The following CCDC102B variants were observed in gnomAD, a reference collection of about 807,000 sequenced individuals.
CCDC102B encodes the protein coiled-coil domain containing 102B, also known as coiled-coil domain-containing protein 102B.
Under a neutral mutation model 57.4 loss-of-function variants are expected in CCDC102B, and 75 were observed. The ratio of observed to expected loss-of-function variants is 1.31; its 90% confidence interval spans 1.08 to 1.58. The LOEUF (loss-of-function observed/expected upper bound fraction) is 1.58. CCDC102B is among the 40% of genes most tolerant of loss of function. The pLI is 0.00. For missense variants in CCDC102B, 636 were observed against 582.6 expected, an observed-to-expected ratio of 1.09 and a Z score of -0.94; for synonymous variants, 206 against 201.9, an observed-to-expected ratio of 1.02 and a Z score of -0.17.
intron 7 of CCDC102B, among the ~76,000 whole-genome samples, chr18:69,020,706 G>A (rs1477204884): frequency 6.6e-6 from 1 of 152,128 alleles, no homozygotes; most frequent in African/African-American, 2.4e-5. Context: ...AATGAAAGAG[G>A]TTGCCACAGT....
intron 3 of CCDC102B, among the ~76,000 whole-genome samples, chr18:68,841,669 G>A (rs1241670419): frequency 1.3e-5 from 2 of 152,124 alleles, no homozygotes; most frequent in African/African-American, 4.8e-5. Flanking sequence ...CTTGTAAAAT[G>A]TTTGTTCTGT....
intron 2 of CCDC102B, among the ~76,000 whole-genome samples, chr18:68,774,452 ACAG>A (rs1206756605): frequency 1.3e-5 from 2 of 152,032 alleles, no homozygotes; most frequent in African/African-American, 4.8e-5. Context: ...GTTCTTGACA[ACAG>A]CAGGAATGGT....
intron 7 of CCDC102B, among the ~76,000 whole-genome samples, chr18:69,035,614 C>T (rs149142724): frequency 6.6e-6 from 1 of 152,152 alleles, no homozygotes; most frequent in Non-Finnish European, 1.5e-5. Flanking sequence ...CAAAAGACAA[C>T]TGCTTTCTAC....
rs1207597371 is a variant in CCDC102B at position 68,873,885 on chromosome 18, GCTTAAAATATATGTCAA to G, written c.937-783_937-767del. The stretch of plus-strand genomic sequence containing the variant: ...ATATATGTCAATACAACAAAACATA[GCTTAAAATATATGTCAA>G]TGCAACAAAACATAGCTTAAAATAT... On this transcript the variant is annotated intron_variant, in intron 4 of 7. Transcript: ENST00000360242. Among the ~76,000 whole-genome samples, 22 of 151,130 alleles carry G rather than the reference GCTTAAAATATATGTCAA, an allele frequency of 1.5e-4. No homozygotes were observed. The South Asian group carries it at 4.0e-3, about 27-fold the overall frequency.
Position 68,836,952 on chromosome 18 carries a change from C to T in CCDC102B, c.189C>T (p.Asn63=). ...AAHNFCAHSY[N]TNKWDICEEL... ...ACAATTTCTGTGCTCACTCATATAA[C>T]ACCAACAAATGGGATATTTGTGAAG... is the stretch of plus-strand genomic sequence containing the variant. Residue 63 remains asparagine (N), a synonymous_variant, in exon 2 of 8, where the codon AAC becomes AAT. Transcript: ENST00000360242. 2.5e-6 allele frequency: 4 copies of T among 1,614,146 alleles called. No individual in the cohort carries two copies. The highest frequency in any genetic ancestry group is 1.7e-5 in the Admixed American group (1 of 60,014).
At chr18:68,884,689 G>A (rs554984112) in intron 5 of CCDC102B, among the ~76,000 whole-genome samples, 1 of 149,072 alleles carries the variant, frequency 6.7e-6, no homozygotes, top group East Asian at 2.0e-4. Context: ...TGTATCCTCT[G>A]ACCTACATCT....
At chr18:68,881,774 A>G (rs79819978) in intron 5 of CCDC102B, among the ~76,000 whole-genome samples, 1,617 of 152,076 alleles carry the variant, frequency 0.011, 36 homozygotes, top group East Asian at 0.08. Context: ...AATTCCTTAT[A>G]ATTTATCTCT....
chr18:69,020,290 G>T (rs1177527676), intron 7 of CCDC102B, among the ~76,000 whole-genome samples: 1 of 152,062 alleles, frequency 6.6e-6, no homozygotes, highest in Non-Finnish European at 1.5e-5. Flanking sequence ...AGAGGAAGAA[G>T]AATCACCTAA....
intron 2 of CCDC102B, among the ~76,000 whole-genome samples, chr18:68,734,275 C>T (rs2033027848): frequency 6.6e-6 from 1 of 152,174 alleles, no homozygotes; most frequent in South Asian, 2.1e-4. Context: ...AGATACCTAG[C>T]TCTGAAAAGA....
At chr18:68,719,067 C>T (rs369808948) in intron 2 of CCDC102B, among the ~76,000 whole-genome samples, 2 of 152,082 alleles carry the variant, frequency 1.3e-5, no homozygotes, top group Non-Finnish European at 2.9e-5. Flanking sequence ...CATAAGAAAA[C>T]TTAAAGTCAT....
At chr18:68,890,043 A>T (rs2040020588) in intron 5 of CCDC102B, among the ~76,000 whole-genome samples, 1 of 152,122 alleles carries the variant, frequency 6.6e-6, no homozygotes, top group Non-Finnish European at 1.5e-5. Context: ...GGCCATCTTC[A>T]CTTTCCTTGC....
At chr18:69,014,413 A>G in intron 7 of CCDC102B, among the ~76,000 whole-genome samples, 1 of 152,224 alleles carries the variant, frequency 6.6e-6, no homozygotes, top group African/African-American at 2.4e-5. Flanking sequence ...TAGACCAGGC[A>G]GCTATTTTCA....
At position 68,838,843 on chromosome 18, in the gene CCDC102B, G is replaced by A. The variant is rs969109287; in HGVS notation, c.744G>A (p.Leu248=). The change falls in exon 3 of 8, where the codon CTG becomes CTA. Residue 248 remains leucine (L), a synonymous_variant. Transcript: ENST00000360242. ...KTGLRLKAIN[L]PLENEVTEIS... ...GGCTGAGACTGAAAGCAATAAATCT[G>A]CCTTTGGAAAATGAAGTAACTGAAA... is the stretch of plus-strand genomic sequence containing the variant. The A allele has an allele frequency of 3.1e-6, 5 of 1,613,824 alleles. No homozygotes were observed. The African/African-American group carries it at 6.7e-5, about 22-fold the overall frequency.
intron 7 of CCDC102B, among the ~76,000 whole-genome samples, chr18:69,048,594 A>T (rs915331461): frequency 1.3e-5 from 2 of 152,116 alleles, no homozygotes; most frequent in African/African-American, 4.8e-5. Flanking sequence ...GAAATTCAGA[A>T]ATAAGACTAA....
chr18:68,992,914 C>A, intron 6 of CCDC102B: 1 of 175,164 alleles, frequency 5.7e-6, no homozygotes, highest in Non-Finnish European at 1.3e-5. Flanking sequence ...AGGTTCATGC[C>A]CTTGCAGACC....
intron 6 of CCDC102B, among the ~76,000 whole-genome samples, chr18:68,999,118 G>A (rs2051130424): frequency 6.6e-6 from 1 of 151,472 alleles, no homozygotes; most frequent in African/African-American, 2.4e-5. Flanking sequence ...TAGTGCTTTT[G>A]ACATGAGAAG....
chr18:68,823,999 C>T (rs903299375), intron 1 of CCDC102B, among the ~76,000 whole-genome samples: 1 of 110,494 alleles, frequency 9.1e-6, no homozygotes, highest in African/African-American at 3.7e-5. Flanking sequence ...CCCATTTTGC[C>T]GGCTATTTAC....
intron 2 of CCDC102B, among the ~76,000 whole-genome samples, chr18:68,730,480 T>G: frequency 6.6e-6 from 1 of 152,208 alleles, no homozygotes; most frequent in Non-Finnish European, 1.5e-5. Flanking sequence ...TGGACCTTAT[T>G]TGTAGTTATT....
chr18:68,751,865 C>A (rs1236979377), intron 2 of CCDC102B, among the ~76,000 whole-genome samples: 2 of 152,082 alleles, frequency 1.3e-5, no homozygotes, highest in Admixed American at 1.3e-4. Context: ...ATTAAAGAAA[C>A]TCAAAGCAGA....
Sources: gnomAD v4.1 joint callset for allele counts (sites outside exome capture counted in the v4.1 genomes callset) on GRCh38, gnomAD v4.1.1 for gene constraint, MANE v1.5 for transcripts, NCBI Gene and HGNC (gene_info 2026-07-23, HGNC 2026-07-21) for gene names.